MYPN: variants seen among roughly 807,000 people sequenced by gnomAD.
MYPN encodes the protein sarcomeric protein myopalladin, 145 kDa (MYOP).
In MYPN, 63 loss-of-function variants were observed where a neutral mutation model predicts 129.4. That is an observed-to-expected ratio of 0.49 (90% CI 0.40 to 0.60). The LOEUF (loss-of-function observed/expected upper bound fraction) is 0.60, where lower values mean the gene tolerates loss of function less well. Among genes scored for constraint, MYPN ranks in the 20% least tolerant of loss-of-function variants. The pLI is 0.00. For synonymous variants in MYPN, 629 were observed against 600.9 expected (o/e 1.05, Z -0.68); for missense variants, 1,596 against 1,635.4 (o/e 0.98, Z 0.42).
At chr10:68,201,294 C>G (rs1299227819) in intron 17 of MYPN, among the ~76,000 whole-genome samples, 1 of 152,104 alleles carries the variant, frequency 6.6e-6, no homozygotes, top group Non-Finnish European at 1.5e-5. Context: ...GATGGTTGCC[C>G]CATTTCTTTT....
chr10:68,091,412 TTTG>T (rs1382353737), intron 1 of MYPN, among the ~76,000 whole-genome samples: 1 of 150,070 alleles, frequency 6.7e-6, no homozygotes, highest in Non-Finnish European at 1.5e-5. Flanking sequence ...TTTTTTTTTT[TTTG>T]ACAGGGTCTT....
intron 13 of MYPN, among the ~76,000 whole-genome samples, chr10:68,190,121 T>C (rs1263364823): frequency 6.9e-6 from 1 of 145,870 alleles, no homozygotes; most frequent in African/African-American, 2.4e-5. Context: ...TGATTAGTAA[T>C]GTTGAACATT....
At chr10:68,170,136 C>T (rs910078573) in intron 10 of MYPN, among the ~76,000 whole-genome samples, 4 of 152,124 alleles carry the variant, frequency 2.6e-5, no homozygotes, top group Admixed American at 6.5e-5. Flanking sequence ...AGAATTTAGG[C>T]AGATGGGACA....
At chr10:68,169,141 C>T (rs542459778) in intron 10 of MYPN, among the ~76,000 whole-genome samples, 2 of 137,198 alleles carry the variant, frequency 1.5e-5, no homozygotes, top group African/African-American at 2.9e-5. Flanking sequence ...TTCAGGAGAT[C>T]GAGACCATCC....
chr10:68,128,719 C>G (rs2134016746), intron 2 of MYPN, among the ~76,000 whole-genome samples: 1 of 152,184 alleles, frequency 6.6e-6, no homozygotes, highest in Admixed American at 6.5e-5. Context: ...GCAAAGGGAC[C>G]AAACCTCATG....
chr10:68,093,100 A>T (rs888517545), intron 1 of MYPN, among the ~76,000 whole-genome samples: 3 of 152,016 alleles, frequency 2.0e-5, no homozygotes, highest in African/African-American at 7.2e-5. Context: ...TCTCCCATGA[A>T]CCCTTGAGCT....
chr10:68,193,830 C>G (rs1037252678), intron 13 of MYPN, among the ~76,000 whole-genome samples: 5 of 34,512 alleles, frequency 1.4e-4, no homozygotes, highest in African/African-American at 2.8e-4. Context: ...CACACACACA[C>G]ACACACACAT....
At chr10:68,207,383 T>C (rs781206222) in intron 19 of MYPN, among the ~76,000 whole-genome samples, 1 of 152,176 alleles carries the variant, frequency 6.6e-6, no homozygotes, top group Non-Finnish European at 1.5e-5. Flanking sequence ...CCTCAGGGCG[T>C]TTGTACACTT....
chr10:68,195,736 A>G (rs1384005561), intron 15 of MYPN, among the ~76,000 whole-genome samples: 1 of 152,178 alleles, frequency 6.6e-6, no homozygotes, highest in Non-Finnish European at 1.5e-5. Flanking sequence ...TTTTAACAGA[A>G]TTCCCAGGTG....
chr10:68,092,074 T>C (rs2041933668), intron 1 of MYPN, among the ~76,000 whole-genome samples: 1 of 152,004 alleles, frequency 6.6e-6, no homozygotes, highest in South Asian at 2.1e-4. Context: ...AGAGCACAGC[T>C]CTGTCTCTAA....
At chr10:68,156,622 C>G (rs146132797) in intron 6 of MYPN, among the ~76,000 whole-genome samples, 1 of 152,340 alleles carries the variant, frequency 6.6e-6, no homozygotes, top group Non-Finnish European at 1.5e-5. Context: ...GTCTCTTACA[C>G]AGCTAATGCT....
intron 13 of MYPN, among the ~76,000 whole-genome samples, chr10:68,189,608 A>G (rs2043479178): frequency 6.6e-6 from 1 of 152,212 alleles, no homozygotes; most frequent in Admixed American, 6.5e-5. Flanking sequence ...CAGTCAGAAC[A>G]TGCAATACAT....
chr10:68,141,644 G>A (rs575424020), intron 2 of MYPN, among the ~76,000 whole-genome samples: 6 of 152,148 alleles, frequency 3.9e-5, no homozygotes, highest in Admixed American at 1.3e-4. Context: ...CCTAATAGCC[G>A]CTTATGATTT....
intron 9 of MYPN, 145 bp downstream of exon 9, chr10:68,165,963 T>A: frequency 1.2e-6 from 1 of 838,848 alleles, no homozygotes; most frequent in Non-Finnish European, 2.0e-6. Flanking sequence ...AAAATGTTCT[T>A]GAACAGTGTC....
At chr10:68,148,524 AC>A (rs1310263954) in intron 5 of MYPN, 57 bp downstream of exon 5, 20 of 1,367,700 alleles carry the variant, frequency 1.5e-5, no homozygotes, top group Non-Finnish European at 2.1e-5. Context: ...AGTCATGGTG[AC>A]CATGACCATC....
chr10:68,175,386 T>C lies in MYPN; in HGVS notation c.2628T>C (p.Ile876=). 1 of 1,614,140 alleles carries C rather than the reference T, an allele frequency of 6.2e-7. No homozygotes were observed. Among genetic ancestry groups the C allele is most frequent in the Non-Finnish European group, 8.5e-7 (1 of 1,180,008 alleles). Residue 876 remains isoleucine (I), a synonymous_variant, in exon 12 of 20, where the codon ATT becomes ATC. Transcript: ENST00000358913. The part of the protein sequence containing the change: ...KSPQPVNDDN[I]RETKNAVIRD... ...CTCAACCAGTGAATGATGATAACAT[T>C]CGTGAAACTAAGAACGCAGTGATTC...
chr10:68,191,228 T>TC (rs2043507220), intron 13 of MYPN, among the ~76,000 whole-genome samples: 2 of 151,384 alleles, frequency 1.3e-5, no homozygotes, highest in South Asian at 4.2e-4. Context: ...TTTTTTTTTT[T>TC]CTTTTTTGAG....
At position 68,199,503 on chromosome 10, in the gene MYPN, G is replaced by A. The variant is rs150404143; in HGVS notation, c.3421G>A (p.Ala1141Thr). 900 of 1,614,154 alleles carry A rather than the reference G, an allele frequency of 5.6e-4. 7 individuals are homozygous for A. In the African/African-American group the frequency reaches 0.011, roughly 19 times the overall value. Residue 1141 changes from alanine (A) to threonine (T), a missense_variant, in exon 17 of 20, where the codon GCA becomes ACA. Transcript: ENST00000358913. ...CATTGACCCACTCACTCAGCGCGAC[G>A]CAGGGACCTATAAGTGCATCGCTAC... ...LLIDPLTQRDAGTYKCIATNK... is the reference protein window; with the variant it reads ...LLIDPLTQRDTGTYKCIATNK...
At chr10:68,180,884 G>A (rs184823807) in intron 12 of MYPN, among the ~76,000 whole-genome samples, 49 of 152,300 alleles carry the variant, frequency 3.2e-4, no homozygotes, top group African/African-American at 1.1e-3. Flanking sequence ...AATGTTTCAA[G>A]TTGTCAATTT....
Sources: allele counts gnomAD v4.1 joint callset (sites outside exome capture counted in the v4.1 genomes callset), GRCh38; gene constraint gnomAD v4.1.1; transcripts MANE v1.5; gene names NCBI Gene and HGNC (gene_info 2026-07-23, HGNC 2026-07-21).